Variants in POU6F2 observed in about 807,000 individuals in gnomAD.
POU6F2 encodes the protein POU domain, class 6, transcription factor 2.
POU6F2 carries 31 observed loss-of-function variants against 71.3 expected under a neutral mutation model. The ratio of observed to expected loss-of-function variants is 0.43; its 90% CI spans 0.33 to 0.59. The LOEUF is 0.59. Ranked by LOEUF, POU6F2 falls within the 20% of genes least tolerant of loss-of-function variation. POU6F2 has a pLI of 0.04. For missense variants in POU6F2, 783 were observed against 856.8 expected, an observed-to-expected ratio of 0.91 and a Z score of 1.07; for synonymous variants, 347 against 355.7, an observed-to-expected ratio of 0.98 and a Z score of 0.27.
chr7:39,019,882 C>T (rs1046807852), intron 1 of POU6F2, among the ~76,000 whole-genome samples: 3 of 152,024 alleles, frequency 2.0e-5, no homozygotes, highest in Admixed American at 2.0e-4. Context: ...CTGTTTTCTC[C>T]AGCATCAGAG....
At chr7:39,152,368 A>G (rs769353065) in intron 2 of POU6F2, among the ~76,000 whole-genome samples, 13 of 152,082 alleles carry the variant, frequency 8.5e-5, no homozygotes, top group Non-Finnish European at 1.3e-4. Flanking sequence ...TCTGTCCCCA[A>G]AGGTTCCTGC....
intron 4 of POU6F2, among the ~76,000 whole-genome samples, chr7:39,322,475 C>T (rs1206836584): frequency 6.6e-6 from 1 of 152,174 alleles, no homozygotes; most frequent in Non-Finnish European, 1.5e-5. Flanking sequence ...TGACATTTTT[C>T]GCTCTTTTAA....
intron 2 of POU6F2, among the ~76,000 whole-genome samples, chr7:39,171,606 A>G (rs182348785): frequency 9.8e-5 from 15 of 152,364 alleles, no homozygotes; most frequent in African/African-American, 3.4e-4. Flanking sequence ...CCTATAAAAC[A>G]AAAATAATCC....
chr7:39,134,465 T>C (rs1452598001), intron 2 of POU6F2, among the ~76,000 whole-genome samples: 5 of 152,210 alleles, frequency 3.3e-5, no homozygotes, highest in African/African-American at 9.6e-5. Flanking sequence ...ATAATGGTGA[T>C]GAGAGATCAT....
chr7:39,418,937 G>GTGTATA (rs1787752138), intron 6 of POU6F2, among the ~76,000 whole-genome samples: 1 of 129,914 alleles, frequency 7.7e-6, no homozygotes, highest in Non-Finnish European at 1.6e-5. Flanking sequence ...ATGTATATAT[G>GTGTATA]TGTATATATG....
At chr7:39,093,771 C>A (rs1311725316) in intron 2 of POU6F2, among the ~76,000 whole-genome samples, 1 of 151,968 alleles carries the variant, frequency 6.6e-6, no homozygotes, top group Admixed American at 6.6e-5. Context: ...ATTTCCTTAC[C>A]ACTTCCATAC....
chr7:39,275,971 C>T (rs556892149), intron 4 of POU6F2, among the ~76,000 whole-genome samples: 30 of 152,154 alleles, frequency 2.0e-4, no homozygotes, highest in Middle Eastern at 3.4e-3. Context: ...CTAGGCATTA[C>T]CATTCAGGAC....
At chr7:39,005,617 G>T (rs1383115452) in intron 1 of POU6F2, among the ~76,000 whole-genome samples, 4 of 51,756 alleles carry the variant, frequency 7.7e-5, no homozygotes, top group Non-Finnish European at 1.5e-4. Flanking sequence ...CCGTCAAAGA[G>T]GTTTTTGTTT....
chr7:39,177,490 G>A (rs1360941043), intron 2 of POU6F2, among the ~76,000 whole-genome samples: 1 of 152,220 alleles, frequency 6.6e-6, no homozygotes, highest in Non-Finnish European at 1.5e-5. Flanking sequence ...CAAGGATTGG[G>A]AAAGAAGCGA....
At position 39,297,190 on chromosome 7, in the gene POU6F2, T is replaced by TCACATACAC. The variant is rs1554339589; in HGVS notation, c.599-42452_599-42451insCACATACAC. Among the ~76,000 whole-genome samples the TCACATACAC allele has an allele frequency of 6.8e-3, 806 of 118,106 alleles. 4 individuals are homozygous for TCACATACAC. The highest frequency in any genetic ancestry group is 8.7e-3 in the Non-Finnish European group (454 of 52,266). 77.5% of individuals were successfully genotyped at this position (118,106 alleles called of 152,430 possible). ...TAATAGGGGTGTTTACAAACACACATACACATACACACACACACACACACA... is the reference window on the plus strand; with the variant it reads ...TAATAGGGGTGTTTACAAACACACATCACATACACACACATACACACACACACACACACA... On this transcript the variant is annotated intron_variant, in intron 4 of 9. Coordinates refer to ENST00000518318, the MANE Select transcript of POU6F2 (RefSeq NM_001370959.1).
chr7:39,073,701 C>T (rs1181669730), intron 1 of POU6F2, among the ~76,000 whole-genome samples: 2 of 152,216 alleles, frequency 1.3e-5, no homozygotes, highest in Non-Finnish European at 2.9e-5. Flanking sequence ...GTATCTGGTG[C>T]TGGCCAAGAG....
chr7:39,002,815 G>A (rs930510640), intron 1 of POU6F2, among the ~76,000 whole-genome samples: 6 of 152,084 alleles, frequency 3.9e-5, no homozygotes, highest in Admixed American at 6.5e-5. Context: ...TCTTCTTCCC[G>A]GCATTGCCCT....
chr7:38,980,267 A>G (rs1188725640), intron 1 of POU6F2, among the ~76,000 whole-genome samples: 2 of 152,198 alleles, frequency 1.3e-5, no homozygotes, highest in East Asian at 1.9e-4. Context: ...AAGGTTGTAA[A>G]CATTTCTGTG....
At chr7:38,986,914 A>T (rs1334176351) in intron 1 of POU6F2, among the ~76,000 whole-genome samples, 1 of 152,142 alleles carries the variant, frequency 6.6e-6, no homozygotes, top group African/African-American at 2.4e-5. Flanking sequence ...ACCTCTTCTC[A>T]TGTGACTATG....
intron 2 of POU6F2, among the ~76,000 whole-genome samples, chr7:39,128,407 A>C (rs990775713): frequency 6.6e-6 from 1 of 152,344 alleles, no homozygotes; most frequent in Non-Finnish European, 1.5e-5. Context: ...TCCTAGACAT[A>C]AATTGCATGT....
chr7:39,425,606 T>G (rs1472556569), intron 6 of POU6F2, among the ~76,000 whole-genome samples: 1 of 152,218 alleles, frequency 6.6e-6, no homozygotes, highest in Non-Finnish European at 1.5e-5. Context: ...GTATTATAAA[T>G]AGCAGCCGCT....
intron 1 of POU6F2, among the ~76,000 whole-genome samples, chr7:39,077,936 G>A (rs1350253538): frequency 6.6e-6 from 1 of 152,124 alleles, no homozygotes; most frequent in Admixed American, 6.5e-5. Flanking sequence ...ATCTGACTAG[G>A]GGTCATCACC....
intron 2 of POU6F2, among the ~76,000 whole-genome samples, chr7:39,107,035 CTTTCTTTTTTTTTTTT>C (rs1037094973): frequency 2.0e-4 from 28 of 136,850 alleles, no homozygotes; most frequent in Admixed American, 1.4e-3. Flanking sequence ...CTTTTTCTTT[CTTTCTTTTTTTTTTTT>C]TTTCTTTTTT....
At chr7:39,260,072 C>T (rs1023219189) in intron 4 of POU6F2, among the ~76,000 whole-genome samples, 15 of 151,458 alleles carry the variant, frequency 9.9e-5, no homozygotes, top group East Asian at 5.8e-4. Flanking sequence ...CATACACATA[C>T]GATACACACA....
Sources: allele counts gnomAD v4.1 joint callset (sites outside exome capture counted in the v4.1 genomes callset), GRCh38; gene constraint gnomAD v4.1.1; transcripts MANE v1.5; gene names NCBI Gene and HGNC (gene_info 2026-07-23, HGNC 2026-07-21).